TRABD2B: variants seen among roughly 807,000 people sequenced by gnomAD.
The protein encoded by TRABD2B is TraB domain containing 2B.
Under a neutral mutation model 40.1 loss-of-function variants are expected in TRABD2B, and 14 were observed. The observed-to-expected ratio is 0.35, with a 90% CI of 0.23 to 0.55. The LOEUF (loss-of-function observed/expected upper bound fraction) is 0.55, where lower values mean the gene tolerates loss of function less well. Ranked by LOEUF, TRABD2B falls within the 20% of genes least tolerant of loss-of-function variation. TRABD2B has a pLI of 0.90. For missense variants in TRABD2B, 541 were observed against 648.6 expected, an observed-to-expected ratio of 0.83 and a Z score of 1.80; for synonymous variants, 263 against 277.0, an observed-to-expected ratio of 0.95 and a Z score of 0.50.
intron 2 of TRABD2B, among the ~76,000 whole-genome samples, chr1:47,956,665 C>G (rs1431186577): frequency 6.6e-6 from 1 of 152,202 alleles, no homozygotes. Context: ...CGGAGGGGCG[C>G]CCGCCATTGC....
At chr1:47,773,425 C>T (rs1473425432) in intron 6 of TRABD2B, among the ~76,000 whole-genome samples, 1 of 152,264 alleles carries the variant, frequency 6.6e-6, no homozygotes, top group Non-Finnish European at 1.5e-5. Context: ...GCTGTGTCTC[C>T]ACCCAAATCT....
intron 2 of TRABD2B, among the ~76,000 whole-genome samples, chr1:47,961,275 G>A (rs959507018): frequency 3.3e-5 from 5 of 152,210 alleles, no homozygotes; most frequent in Non-Finnish European, 2.9e-5. Flanking sequence ...GAAAACCTAC[G>A]CAATACCATT....
chr1:47,921,476 G>C (rs1274795109), intron 2 of TRABD2B, among the ~76,000 whole-genome samples: 1 of 152,150 alleles, frequency 6.6e-6, no homozygotes, highest in Non-Finnish European at 1.5e-5. Context: ...CATGACAAGA[G>C]AGGAAAAATG....
In TRABD2B at chr1:47,949,401, C is replaced by CTTTTTTTTT. The variant is rs35027686; in HGVS notation, c.666+44624_666+44632dup. ...TCTATGATTGTATTTTCTTTTCTTT[C>CTTTTTTTTT]TTTTTTTTTTTTTTTTTTTTTTTTG... On this transcript the variant is annotated intron_variant, in intron 2 of 6. Coordinates refer to ENST00000606738, the MANE Select transcript of TRABD2B (RefSeq NM_001194986.2). Among the ~76,000 whole-genome samples the CTTTTTTTTT allele has an allele frequency of 3.1e-3, 249 of 80,250 alleles. 2 individuals carry two copies. The highest frequency in any genetic ancestry group is 5.2e-3 in the East Asian group (13 of 2,520). 52.6% of individuals were successfully genotyped at this position (80,250 alleles called of 152,430 possible). A position where few individuals can be genotyped will look rare whatever the true frequency, so the allele number is the denominator to read the frequency against.
At position 47,875,276 on chromosome 1, in the gene TRABD2B, C is replaced by T. The variant is rs1203458922; in HGVS notation, c.667-73657G>A. 2.6e-4 allele frequency among the ~76,000 whole-genome samples: 40 copies of T among 151,608 alleles called. 1 individual carries two copies. Among genetic ancestry groups the T allele is most frequent in the Non-Finnish European group, 2.9e-5 (2 of 67,994 alleles). Reference sequence around the variant, plus strand: ...ACAGTGGAAGACTGAAAATTTCCTACCACAATAGGAGCTGAGAGTGTTCTT... The same window carrying T: ...ACAGTGGAAGACTGAAAATTTCCTATCACAATAGGAGCTGAGAGTGTTCTT... On this transcript the variant is annotated intron_variant, in intron 2 of 6. Transcript: ENST00000606738.
intron 2 of TRABD2B, among the ~76,000 whole-genome samples, chr1:47,814,163 C>T (rs899318184): frequency 3.3e-5 from 5 of 152,208 alleles, no homozygotes; most frequent in Admixed American, 3.3e-4. Context: ...GGAATGGGGG[C>T]TGCGGTGAAG....
intron 1 of TRABD2B, among the ~76,000 whole-genome samples, chr1:47,995,958 C>G (rs1209816537): frequency 6.6e-6 from 1 of 152,148 alleles, no homozygotes; most frequent in African/African-American, 2.4e-5. Context: ...GGGTTACTGT[C>G]AATGCATTAA....
intron 2 of TRABD2B, among the ~76,000 whole-genome samples, chr1:47,971,117 A>G (rs1645676071): frequency 3.9e-5 from 6 of 152,220 alleles, no homozygotes; most frequent in Admixed American, 3.9e-4. Flanking sequence ...TCAGGCTTGG[A>G]AATGGAAGGC....
intron 6 of TRABD2B, among the ~76,000 whole-genome samples, chr1:47,772,244 A>G (rs368330913): frequency 2.6e-5 from 4 of 152,078 alleles, no homozygotes; most frequent in African/African-American, 9.7e-5. Flanking sequence ...AATTCTTGAC[A>G]GAAAAAGGGA....
chr1:47,888,016 G>T (rs1432716079), intron 2 of TRABD2B, among the ~76,000 whole-genome samples: 2 of 152,200 alleles, frequency 1.3e-5, no homozygotes, highest in Admixed American at 1.3e-4. Flanking sequence ...GAATCAAAGG[G>T]CTGACACCCA....
At chr1:47,792,049 G>T (rs1644680797) in intron 4 of TRABD2B, among the ~76,000 whole-genome samples, 1 of 152,224 alleles carries the variant, frequency 6.6e-6, no homozygotes, top group African/African-American at 2.4e-5. Context: ...AAGGAGATCT[G>T]CTGTGCAGAG....
At chr1:47,838,589 T>A (rs1340216) in intron 2 of TRABD2B, among the ~76,000 whole-genome samples, 146,566 of 152,316 alleles carry the variant, frequency 0.96, 70,786 homozygotes, top group East Asian at 1. Context: ...GGTCAGTTAC[T>A]GCTGATAGGT....
At chr1:47,780,815 G>A (rs1320193709) in intron 4 of TRABD2B, among the ~76,000 whole-genome samples, 4 of 152,178 alleles carry the variant, frequency 2.6e-5, no homozygotes, top group Non-Finnish European at 5.9e-5. Context: ...AGGCCCTTCC[G>A]GAGCTCTGGC....
chr1:47,907,251 G>A (rs745611471), intron 2 of TRABD2B, among the ~76,000 whole-genome samples: 53 of 152,234 alleles, frequency 3.5e-4, no homozygotes, highest in Middle Eastern at 3.4e-3. Context: ...TTCATTAGTC[G>A]GGCTGGGCTA....
At chr1:47,903,493 C>T (rs1221624637) in intron 2 of TRABD2B, among the ~76,000 whole-genome samples, 11 of 152,098 alleles carry the variant, frequency 7.2e-5, no homozygotes, top group Admixed American at 7.2e-4. Flanking sequence ...TTTGTCTGCA[C>T]TGTGTCTGTG....
chr1:47,963,036 T>C (rs535848063), intron 2 of TRABD2B, among the ~76,000 whole-genome samples: 3 of 152,350 alleles, frequency 2.0e-5, no homozygotes, highest in Admixed American at 2.0e-4. Flanking sequence ...ATCCATCCAT[T>C]CATTCATTCA....
At chr1:47,960,941 A>G (rs1473996438) in intron 2 of TRABD2B, among the ~76,000 whole-genome samples, 1 of 152,206 alleles carries the variant, frequency 6.6e-6, no homozygotes, top group East Asian at 1.9e-4. Context: ...TGGAGGCATC[A>G]CACTACCTGA....
chr1:47,846,262 C>T (rs1257766246), intron 2 of TRABD2B, among the ~76,000 whole-genome samples: 1 of 152,204 alleles, frequency 6.6e-6, no homozygotes, highest in East Asian at 1.9e-4. Flanking sequence ...AAGGGAAATG[C>T]ACCAACTTCT....
At chr1:47,904,924 C>A (rs1644655643) in intron 2 of TRABD2B, among the ~76,000 whole-genome samples, 1 of 152,192 alleles carries the variant, frequency 6.6e-6, no homozygotes, top group Admixed American at 6.5e-5. Flanking sequence ...ATTCAGTATG[C>A]CTCCCTAAAA....
Sources: gnomAD v4.1 joint callset for allele counts (sites outside exome capture counted in the v4.1 genomes callset) on GRCh38, gnomAD v4.1.1 for gene constraint, MANE v1.5 for transcripts, NCBI Gene and HGNC (gene_info 2026-07-23, HGNC 2026-07-21) for gene names.